The following ABTB3 variants were observed in gnomAD, a reference collection of about 807,000 sequenced individuals.
ABTB3 encodes ankyrin repeat- and BTB/POZ domain-containing protein 3.
chr12:107,348,856 C>T, the ABTB3 span, among the ~76,000 whole-genome samples: 1 of 152,182 alleles, frequency 6.6e-6, no homozygotes, highest in Admixed American at 6.5e-5. Context: ...CTATTTTAGA[C>T]AGGGCACCTG....
At chr12:107,441,554 C>T in the ABTB3 span, among the ~76,000 whole-genome samples, 1 of 152,018 alleles carries the variant, frequency 6.6e-6, no homozygotes, top group Non-Finnish European at 1.5e-5. Flanking sequence ...TAGCAAACCA[C>T]CGTGGCACAC....
the ABTB3 span, among the ~76,000 whole-genome samples, chr12:107,616,262 C>T: frequency 1.3e-5 from 2 of 152,190 alleles, no homozygotes; most frequent in African/African-American, 4.8e-5. Flanking sequence ...CAAAGCCACA[C>T]AGAAGTCAGG....
chr12:107,621,327 T>C, the ABTB3 span, among the ~76,000 whole-genome samples: 2 of 152,164 alleles, frequency 1.3e-5, no homozygotes, highest in Non-Finnish European at 2.9e-5. Context: ...GAGTAAAACC[T>C]GCTGGAAGCA....
the ABTB3 span, among the ~76,000 whole-genome samples, chr12:107,591,312 A>G: frequency 6.6e-6 from 1 of 152,238 alleles, no homozygotes; most frequent in Non-Finnish European, 1.5e-5. Flanking sequence ...TGGGTAATTT[A>G]TGAAGAAAAG....
At chr12:107,346,038 TC>T in the ABTB3 span, among the ~76,000 whole-genome samples, 1 of 152,230 alleles carries the variant, frequency 6.6e-6, no homozygotes, top group African/African-American at 2.4e-5. Context: ...GTCCAAGGTC[TC>T]TTTGTCATTA....
chr12:107,562,028 C>A, the ABTB3 span, among the ~76,000 whole-genome samples: 1 of 152,172 alleles, frequency 6.6e-6, no homozygotes, highest in African/African-American at 2.4e-5. Flanking sequence ...ATAATAGCTT[C>A]TTTTCTCATG....
At chr12:107,491,771 G>A in the ABTB3 span, among the ~76,000 whole-genome samples, 2 of 150,978 alleles carry the variant, frequency 1.3e-5, no homozygotes, top group Admixed American at 1.3e-4. Flanking sequence ...TGCAGTGAGC[G>A]GAGATCACGT....
At chr12:107,327,767 T>C in the ABTB3 span, among the ~76,000 whole-genome samples, 2 of 152,236 alleles carry the variant, frequency 1.3e-5, no homozygotes, top group Non-Finnish European at 1.5e-5. Flanking sequence ...AAGTTCTATA[T>C]TAGTTAGGGT....
the ABTB3 span, among the ~76,000 whole-genome samples, chr12:107,417,622 G>A: frequency 5.9e-5 from 9 of 152,310 alleles, no homozygotes; most frequent in East Asian, 1.2e-3. Flanking sequence ...GGAGATGCCC[G>A]TACTATGTAT....
chr12:107,445,741 C>T, the ABTB3 span, among the ~76,000 whole-genome samples: 1 of 152,150 alleles, frequency 6.6e-6, no homozygotes, highest in Non-Finnish European at 1.5e-5. Flanking sequence ...AGCTGCACTT[C>T]TTCTGGAGGC....
At chr12:107,476,711 G>C in the ABTB3 span, among the ~76,000 whole-genome samples, 1 of 151,840 alleles carries the variant, frequency 6.6e-6, no homozygotes, top group Admixed American at 6.5e-5. Context: ...GGACCACAGA[G>C]AGCCAGGATT....
the ABTB3 span, among the ~76,000 whole-genome samples, chr12:107,344,763 C>T: frequency 1.3e-5 from 2 of 152,198 alleles, no homozygotes; most frequent in Non-Finnish European, 2.9e-5. Flanking sequence ...TTCATTGTCC[C>T]TAGTGCATGA....
chr12:107,597,602 T>A, the ABTB3 span, among the ~76,000 whole-genome samples: 18 of 152,336 alleles, frequency 1.2e-4, no homozygotes, highest in African/African-American at 4.3e-4. Context: ...CAATTAAATT[T>A]CAATTAGTTT....
the ABTB3 span, among the ~76,000 whole-genome samples, chr12:107,607,736 A>C: frequency 6.6e-6 from 1 of 152,126 alleles, no homozygotes; most frequent in Non-Finnish European, 1.5e-5. Flanking sequence ...TTGCATCTAG[A>C]GCCAAAGCAT....
the ABTB3 span, among the ~76,000 whole-genome samples, chr12:107,622,423 C>T: frequency 3.9e-5 from 6 of 152,308 alleles, no homozygotes; most frequent in South Asian, 2.1e-4. Context: ...AGCTGGCCAG[C>T]ATTGTTCCTT....
the ABTB3 span, among the ~76,000 whole-genome samples, chr12:107,374,179 C>T: frequency 6.6e-6 from 1 of 152,332 alleles, no homozygotes; most frequent in African/African-American, 2.4e-5. Flanking sequence ...GGTCAGAGCA[C>T]TTCTTTGTTC....
At chr12:107,609,664 A>G in the ABTB3 span, among the ~76,000 whole-genome samples, 1 of 152,242 alleles carries the variant, frequency 6.6e-6, no homozygotes, top group Non-Finnish European at 1.5e-5. Context: ...TAGAGCAGGC[A>G]GTCCGACAAA....
At chr12:107,338,522 T>C in the ABTB3 span, among the ~76,000 whole-genome samples, 1 of 152,222 alleles carries the variant, frequency 6.6e-6, no homozygotes, top group African/African-American at 2.4e-5. Flanking sequence ...ACATTGTTAG[T>C]GCTCAAATGT....
chr12:107,425,899 A>AGCC, the ABTB3 span, among the ~76,000 whole-genome samples: 2 of 152,192 alleles, frequency 1.3e-5, no homozygotes, highest in Admixed American at 1.3e-4. Context: ...GAAGGGGGAA[A>AGCC]GCCTCCACCC....
Sources: gnomAD v4.1 joint callset for allele counts (sites outside exome capture counted in the v4.1 genomes callset) on GRCh38, gnomAD v4.1.1 for gene constraint, MANE v1.5 for transcripts, NCBI Gene and HGNC (gene_info 2026-07-23, HGNC 2026-07-21) for gene names.